NEB: variants seen among roughly 807,000 people sequenced by gnomAD.
The protein encoded by NEB is nebulin, also known as nemaline myopathy type 2.
Under a neutral mutation model 952.2 loss-of-function variants are expected in NEB, and 512 were observed. The observed-to-expected ratio is 0.54, with a 90% confidence interval of 0.50 to 0.58. NEB has a LOEUF of 0.58. Ranked by LOEUF, NEB falls within the 20% of genes least tolerant of loss-of-function variation. The pLI, the probability that NEB is intolerant of heterozygous loss-of-function variation, is 0.00. For missense variants in NEB, 8,428 were observed against 9,231.1 expected (o/e 0.91, Z 3.56); for synonymous variants, 2,900 against 3,149.8 (o/e 0.92, Z 2.66).
At position 151,502,914 on chromosome 2, in the gene NEB, A is replaced by T. The variant is rs772924160; in HGVS notation, c.23836-29T>A. The stretch of plus-strand genomic sequence containing the variant: ...TGAGATACAAGAAAGTACCCAGAGG[A>T]CATTTAAAACAGGCACAGAGAGTAA... On this transcript the variant is annotated intron_variant, in intron 166 of 181. Transcript: ENST00000397345. The T allele has an allele frequency of 3.0e-6, 4 of 1,336,628 alleles. No homozygotes were observed. The African/African-American group carries it at 5.9e-5, about 20-fold the overall frequency. 82.8% of individuals were successfully genotyped at this position (1,336,628 alleles called of 1,614,324 possible).
chr2:151,706,154 A>G (rs745794482), intron 13 of NEB, among the ~76,000 whole-genome samples: 2 of 152,204 alleles, frequency 1.3e-5, no homozygotes, highest in Admixed American at 1.3e-4. Flanking sequence ...ATACCCTCTC[A>G]CTTGCCACTT....
Position 151,671,019 on chromosome 2 carries a change from T to C in NEB, c.4506+4A>G. On this transcript the variant is annotated splice_donor_region_variant and intron_variant, in intron 38 of 181. Coordinates refer to ENST00000397345, the MANE Select transcript of NEB (RefSeq NM_001164508.2). The stretch of plus-strand genomic sequence containing the variant: ...GCAAATCATTTTGAAAGGAAAGCAC[T>C]CACATCACTTAGCTGCTTTGTGTTA... 2 of 1,612,288 alleles carry C rather than the reference T, an allele frequency of 1.2e-6. No individual in the cohort carries two copies. Among genetic ancestry groups the C allele is most frequent in the Non-Finnish European group, 1.7e-6 (2 of 1,178,292 alleles).
intron 68 of NEB, among the ~76,000 whole-genome samples, chr2:151,628,118 C>T (rs183094101): frequency 2.0e-4 from 30 of 152,220 alleles, no homozygotes; most frequent in African/African-American, 6.7e-4. Context: ...GGCTTGTAGA[C>T]GTTAAGTTTC....
intron 35 of NEB, among the ~76,000 whole-genome samples, chr2:151,674,973 C>G (rs546621865): frequency 6.6e-6 from 1 of 152,246 alleles, no homozygotes; most frequent in South Asian, 2.1e-4. Flanking sequence ...AAAGGGAGCT[C>G]ATTTATTCTT....
In NEB at chr2:151,695,563, G is replaced by C; in HGVS notation, c.1674+15C>G. On this transcript the variant is annotated intron_variant, in intron 18 of 181. Transcript: ENST00000397345. ...TTGTCAGTACATCACATGGTACAGGGCATAAGGAACTTACATCACTCAAGT... is the reference window on the plus strand; with the variant it reads ...TTGTCAGTACATCACATGGTACAGGCCATAAGGAACTTACATCACTCAAGT... 6.3e-7 allele frequency: 1 copy of C among 1,587,630 alleles called. No individual in the cohort carries two copies. Among genetic ancestry groups the C allele is most frequent in the Non-Finnish European group, 8.6e-7 (1 of 1,156,564 alleles).
intron 24 of NEB, chr2:151,690,138 T>C (rs2149075604): frequency 6.5e-6 from 1 of 154,188 alleles, no homozygotes; most frequent in Non-Finnish European, 1.4e-5. Context: ...CAGCAGGCGA[T>C]TGCATGAATG....
rs752773707 is a variant in NEB, at chr2:151,519,051, G to A, written c.22609C>T (p.Leu7537=). 3 of 1,611,808 alleles carry A rather than the reference G, an allele frequency of 1.9e-6. No homozygotes were observed. Among genetic ancestry groups the A allele is most frequent in the Admixed American group, 3.3e-5 (2 of 59,976 alleles). ...LASEVKYKAD[L]KKLHKPVTDM... is the part of the protein sequence containing the mutation. The stretch of plus-strand genomic sequence containing the variant: ...GTCACGGGTTTGTGAAGTTTCTTCA[G>A]GTCAGCCTTGTATTTAACCTGTGTG... The change falls in exon 155 of 182, where the codon CTG becomes TTG. Residue 7537 remains leucine, a synonymous_variant. Coordinates refer to ENST00000397345, the MANE Select transcript of NEB (RefSeq NM_001164508.2).
intron 70 of NEB, among the ~76,000 whole-genome samples, chr2:151,626,166 T>C (rs1310633533): frequency 6.6e-6 from 1 of 151,990 alleles, no homozygotes; most frequent in African/African-American, 2.4e-5. Flanking sequence ...CAGGCTGGAA[T>C]GTAGTGGTAC....
intron 74 of NEB, 116 bp downstream of exon 74, chr2:151,618,159 C>A: frequency 1.1e-6 from 1 of 931,854 alleles, no homozygotes; most frequent in East Asian, 2.5e-5. Context: ...GTGGAAAAAT[C>A]ATTTAAGAAG....
chr2:151,610,404 G>T (rs2097904267), intron 80 of NEB, 112 bp downstream of exon 80: 1 of 815,850 alleles, frequency 1.2e-6, no homozygotes, highest in Admixed American at 2.3e-5. Context: ...GAGGTAGGAA[G>T]TAGGACTGGA....
chr2:151,487,555 C>A (rs890604006), intron 181 of NEB, among the ~76,000 whole-genome samples: 1 of 152,078 alleles, frequency 6.6e-6, no homozygotes, highest in African/African-American at 2.4e-5. Flanking sequence ...CCCTTTTTGA[C>A]TGCTGCAGAG....
intron 168 of NEB, among the ~76,000 whole-genome samples, chr2:151,501,076 A>AAAG (rs1288270253): frequency 5.3e-5 from 8 of 152,224 alleles, no homozygotes; most frequent in Non-Finnish European, 1.0e-4. Flanking sequence ...CATCAGATAA[A>AAAG]AAGAGTTCCA....
At position 151,567,266 on chromosome 2, in the gene NEB, T is replaced by G. The variant is rs748392411; in HGVS notation, c.18058A>C (p.Ser6020Arg). The change falls in exon 114 of 182, where the codon AGT becomes CGT. Residue 6020 changes from serine (S) to arginine (R), a missense_variant. This residue lies in a region of NEB where 3,374 missense variants were observed against 3,651.5 expected (regional missense o/e 0.92). Transcript: ENST00000397345. ...LAAKQGQTLV[S>R]DIDYRNYLHQ... ...AAGTAATTACGATAATCAATATCACTGACAAGGGTCTGCCCCTGCTTGGCG... is the reference window on the plus strand; with the variant it reads ...AAGTAATTACGATAATCAATATCACGGACAAGGGTCTGCCCCTGCTTGGCG... 5 of 1,613,890 alleles carry G rather than the reference T, an allele frequency of 3.1e-6. No homozygotes were observed. In the East Asian group the frequency reaches 6.7e-5, roughly 22 times the overall value.
At chr2:151,650,433 T>G in intron 53 of NEB, 54 bp from the exon 54 acceptor site, 3 of 1,567,546 alleles carry the variant, frequency 1.9e-6, no homozygotes, top group Non-Finnish European at 2.6e-6. Context: ...GGACCCTTGA[T>G]TCAAGTGATT....
At chr2:151,499,150 C>CTGA in intron 169 of NEB, 148 bp downstream of exon 169, 1 of 483,928 alleles carries the variant, frequency 2.1e-6, no homozygotes, top group South Asian at 2.7e-5. Flanking sequence ...ATGGGGAAAA[C>CTGA]TGATTCATAG....
chr2:151,533,037 T>C (rs2092123057), intron 143 of NEB, among the ~76,000 whole-genome samples: 1 of 152,142 alleles, frequency 6.6e-6, no homozygotes, highest in African/African-American at 2.4e-5. Context: ...CTGCAACAGT[T>C]GTAGTGATAA....
chr2:151,677,424 T>C (rs2099374699), intron 34 of NEB, 141 bp downstream of exon 34: 6 of 632,258 alleles, frequency 9.5e-6, no homozygotes, highest in Non-Finnish European at 1.2e-5. Context: ...TACACATAAC[T>C]GTAATTTTTA....
chr2:151,552,293 G>A (rs1360556895), intron 128 of NEB, among the ~76,000 whole-genome samples: 1 of 152,104 alleles, frequency 6.6e-6, no homozygotes, highest in Non-Finnish European at 1.5e-5. Context: ...GTGTGGTAGA[G>A]GTGAGACTGC....
In NEB at chr2:151,581,723, T is replaced by A. The variant is rs188291055; in HGVS notation, c.16180-136A>T. 1.1e-3 allele frequency: 872 copies of A among 776,626 alleles called. 17 individuals carry two copies. In the African/African-American group the frequency reaches 0.014, roughly 13 times the overall value. 48.1% of individuals were successfully genotyped at this position (776,626 alleles called of 1,614,324 possible). On this transcript the variant is annotated intron_variant, in intron 102 of 181. Transcript: ENST00000397345. ...ATTTTAAGTGAATTTTATAATAAAT[T>A]AAAACTAACATAAGTAAATTAAAAT...
Sources: gnomAD v4.1 joint callset for allele counts (sites outside exome capture counted in the v4.1 genomes callset) on GRCh38, gnomAD v4.1.1 for gene constraint, gnomAD v4.1.1 regional missense constraint, MANE v1.5 for transcripts, NCBI Gene and HGNC (gene_info 2026-07-23, HGNC 2026-07-21) for gene names.